The following SORBS2 variants were observed in gnomAD, a reference collection of about 807,000 sequenced individuals.
SORBS2 encodes sorbin and SH3 domain containing 2.
A neutral mutation model predicts 97.7 loss-of-function variants in SORBS2; 46 were observed. The observed-to-expected ratio is 0.47, with a 90% CI of 0.37 to 0.60. The LOEUF (loss-of-function observed/expected upper bound fraction) is 0.60. Among genes scored for constraint, SORBS2 ranks in the 20% least tolerant of loss-of-function variants. SORBS2 has a pLI of 0.00. For synonymous variants in SORBS2, 476 were observed against 473.4 expected (o/e 1.01, Z -0.07); for missense variants, 1,316 against 1,282.3 (o/e 1.03, Z -0.40).
intron 2 of SORBS2, among the ~76,000 whole-genome samples, chr4:185,708,202 C>T (rs1322734386): frequency 2.0e-5 from 3 of 152,164 alleles, no homozygotes; most frequent in South Asian, 4.1e-4. Context: ...TCTCCTTAGT[C>T]AGAAAAGCAG....
chr4:185,672,343 T>C (rs1252616831), intron 4 of SORBS2, among the ~76,000 whole-genome samples: 1 of 152,208 alleles, frequency 6.6e-6, no homozygotes, highest in Non-Finnish European at 1.5e-5. Flanking sequence ...TGTTATTTCA[T>C]AACGGACAGG....
At chr4:185,639,689 T>C (rs996912059) in intron 4 of SORBS2, among the ~76,000 whole-genome samples, 16 of 152,164 alleles carry the variant, frequency 1.1e-4, no homozygotes, top group African/African-American at 3.9e-4. Flanking sequence ...GAGTACAGTA[T>C]CTTAAGTCAG....
chr4:185,809,736 G>T (rs1309939298), intron 1 of SORBS2, among the ~76,000 whole-genome samples: 3 of 152,162 alleles, frequency 2.0e-5, no homozygotes, highest in Non-Finnish European at 4.4e-5. Context: ...AAATAGGAAA[G>T]AACTTGCACA....
At chr4:185,855,971 A>G (rs889388344) in intron 1 of SORBS2, among the ~76,000 whole-genome samples, 28 of 152,228 alleles carry the variant, frequency 1.8e-4, no homozygotes, top group African/African-American at 6.8e-4. Context: ...TGGGATTCTC[A>G]GCACATAGCA....
chr4:185,815,612 A>C (rs904977410), intron 1 of SORBS2, among the ~76,000 whole-genome samples: 2 of 152,302 alleles, frequency 1.3e-5, no homozygotes, highest in East Asian at 3.9e-4. Flanking sequence ...CAAAGAATAC[A>C]TATACACACA....
At chr4:185,658,127 C>CA (rs2097439841), upstream of SORBS2, among the ~76,000 whole-genome samples, 1 of 151,998 alleles carries the variant, frequency 6.6e-6, no homozygotes, top group South Asian at 2.1e-4. Context: ...GAAGCAAAAC[C>CA]AAAAATCACT....
At chr4:185,763,092 G>A (rs984929664) in intron 2 of SORBS2, among the ~76,000 whole-genome samples, 1 of 152,204 alleles carries the variant, frequency 6.6e-6, no homozygotes, top group African/African-American at 2.4e-5. Context: ...AGGAGGCTGA[G>A]GCAGGAGAAT....
chr4:185,732,682 C>T (rs905025796), intron 2 of SORBS2, among the ~76,000 whole-genome samples: 3 of 152,202 alleles, frequency 2.0e-5, no homozygotes, highest in Non-Finnish European at 2.9e-5. Flanking sequence ...CTGCTTCTTG[C>T]TTAGAGATGA....
intron 1 of SORBS2, among the ~76,000 whole-genome samples, chr4:185,910,963 A>G (rs2099254709): frequency 6.6e-6 from 1 of 152,122 alleles, no homozygotes; most frequent in South Asian, 2.1e-4. Flanking sequence ...GATTTTTTAA[A>G]AAAAAAAAAC....
chr4:185,614,845 G>A (rs770149032), exon 11 of SORBS2: 4 of 1,614,104 alleles, frequency 2.5e-6, no homozygotes, highest in South Asian at 1.1e-5. Flanking sequence ...CTCAGTGACA[G>A]CTCCACATTT....
intron 1 of SORBS2, among the ~76,000 whole-genome samples, chr4:185,883,925 G>A (rs544507339): frequency 1.8e-4 from 27 of 152,278 alleles, no homozygotes; most frequent in South Asian, 4.2e-4. Flanking sequence ...TTTGCTAAGC[G>A]AAAGATATCA....
intron 1 of SORBS2, among the ~76,000 whole-genome samples, chr4:185,839,567 T>C (rs1291012896): frequency 6.6e-6 from 1 of 152,146 alleles, no homozygotes; most frequent in Admixed American, 6.5e-5. Flanking sequence ...GGAGGAGGCC[T>C]GGGGAGAGCT....
intron 2 of SORBS2, among the ~76,000 whole-genome samples, chr4:185,722,629 A>C (rs985599279): frequency 1.2e-4 from 18 of 152,328 alleles, no homozygotes; most frequent in African/African-American, 3.6e-4. Context: ...CAGAATTTTG[A>C]GAAACTTGTT....
At chr4:185,613,504 C>A (rs904542580) in intron 11 of SORBS2, among the ~76,000 whole-genome samples, 1 of 142,974 alleles carries the variant, frequency 7.0e-6, no homozygotes, top group Admixed American at 6.9e-5. Flanking sequence ...AAAAATTAGC[C>A]GGGTGTGGTG....
At chr4:185,950,035 T>C (rs2099276441) in intron 1 of SORBS2, among the ~76,000 whole-genome samples, 1 of 152,112 alleles carries the variant, frequency 6.6e-6, no homozygotes, top group Non-Finnish European at 1.5e-5. Flanking sequence ...GGGCGGATCA[T>C]GAGGTCAGGA....
At chr4:185,768,634 G>A (rs887624115) in intron 2 of SORBS2, among the ~76,000 whole-genome samples, 9 of 150,334 alleles carry the variant, frequency 6.0e-5, no homozygotes, top group African/African-American at 1.7e-4. Context: ...GGGAGGCGGA[G>A]GTTGCAGTGA....
intron 4 of SORBS2, among the ~76,000 whole-genome samples, chr4:185,643,029 C>T (rs929597787): frequency 1.8e-4 from 27 of 152,276 alleles, no homozygotes; most frequent in African/African-American, 4.8e-4. Context: ...TCACTGAACA[C>T]CTGCTACAGG....
At chr4:185,617,701 G>A (rs537877577) in intron 9 of SORBS2, among the ~76,000 whole-genome samples, 19 of 152,186 alleles carry the variant, frequency 1.2e-4, no homozygotes, top group South Asian at 6.2e-4. Flanking sequence ...ATGTGCTTCC[G>A]CAACCACATG....
intron 2 of SORBS2, among the ~76,000 whole-genome samples, chr4:185,708,813 G>A (rs11735888): frequency 0.22 from 33,647 of 152,066 alleles, 4,049 homozygotes; most frequent in Middle Eastern, 0.32. Context: ...AACGTGGAGC[G>A]CCTTTCCAAG....
Sources: allele counts gnomAD v4.1 joint callset (sites outside exome capture counted in the v4.1 genomes callset), GRCh38; gene constraint gnomAD v4.1.1; transcripts MANE v1.5; gene names NCBI Gene and HGNC (gene_info 2026-07-23, HGNC 2026-07-21).